Variants in PDGFD observed in about 807,000 individuals in gnomAD.
PDGFD encodes the protein platelet-derived growth factor D.
In PDGFD, 30 loss-of-function variants were observed where a neutral mutation model predicts 44.7. The ratio of observed to expected loss-of-function variants is 0.67; its 90% CI spans 0.50 to 0.91. The LOEUF (loss-of-function observed/expected upper bound fraction) is 0.91, where lower values mean the gene tolerates loss of function less well. Among genes scored for constraint, PDGFD ranks in the 40% least tolerant of loss-of-function variants. PDGFD has a pLI of 0.00. For missense variants in PDGFD, 445 were observed against 457.8 expected (o/e 0.97, Z 0.25); for synonymous variants, 173 against 168.4 (o/e 1.03, Z -0.21).
At chr11:104,155,711 G>C (rs1485370631) in intron 1 of PDGFD, among the ~76,000 whole-genome samples, 1 of 152,168 alleles carries the variant, frequency 6.6e-6, no homozygotes, top group South Asian at 2.1e-4. Flanking sequence ...TTGCATATTG[G>C]TTAGTTCATT....
intron 1 of PDGFD, among the ~76,000 whole-genome samples, chr11:104,114,578 C>A (rs361286): frequency 0.63 from 95,888 of 151,752 alleles, 30,607 homozygotes; most frequent in East Asian, 0.75. Flanking sequence ...TATCTCTTCA[C>A]GGTCATTTAT....
intron 3 of PDGFD, among the ~76,000 whole-genome samples, chr11:103,954,508 A>G (rs1858807972): frequency 1.3e-5 from 2 of 152,220 alleles, no homozygotes; most frequent in African/African-American, 4.8e-5. Flanking sequence ...GCCATAAACT[A>G]TTCATGGCTA....
intron 3 of PDGFD, among the ~76,000 whole-genome samples, chr11:103,975,345 T>C (rs1412071423): frequency 1.3e-5 from 2 of 152,240 alleles, no homozygotes; most frequent in Non-Finnish European, 2.9e-5. Flanking sequence ...TTGTTTGTTT[T>C]TTTCCTTGTA....
chr11:104,088,659 C>T (rs1861168572), intron 1 of PDGFD, among the ~76,000 whole-genome samples: 1 of 152,120 alleles, frequency 6.6e-6, no homozygotes, highest in Non-Finnish European at 1.5e-5. Flanking sequence ...GCAGATGGCT[C>T]CAGCAAGGCA....
chr11:103,940,084 C>T (rs1243717700), intron 5 of PDGFD, among the ~76,000 whole-genome samples: 1 of 152,038 alleles, frequency 6.6e-6, no homozygotes, highest in Non-Finnish European at 1.5e-5. Context: ...CTCACCAAAA[C>T]TTTACTGTTC....
intron 1 of PDGFD, among the ~76,000 whole-genome samples, chr11:104,024,484 T>C (rs983698159): frequency 3.3e-5 from 5 of 152,178 alleles, no homozygotes; most frequent in Non-Finnish European, 7.3e-5. Flanking sequence ...CAATGACAAA[T>C]TGTATGTAAG....
chr11:104,042,679 T>C (rs183900231), intron 1 of PDGFD, among the ~76,000 whole-genome samples: 9 of 152,362 alleles, frequency 5.9e-5, no homozygotes, highest in Middle Eastern at 3.4e-3. Context: ...TATATTTTTC[T>C]ACCGTTAATC....
At chr11:103,953,407 G>C (rs988359626) in intron 3 of PDGFD, among the ~76,000 whole-genome samples, 6 of 152,124 alleles carry the variant, frequency 3.9e-5, no homozygotes, top group African/African-American at 9.7e-5. Flanking sequence ...ACAGATATAT[G>C]AATGAAGCAG....
chr11:103,928,568 T>C (rs1858352800), intron 5 of PDGFD, among the ~76,000 whole-genome samples: 1 of 152,224 alleles, frequency 6.6e-6, no homozygotes, highest in Non-Finnish European at 1.5e-5. Context: ...CATCCCTGTT[T>C]GTCTTTTTAT....
intron 1 of PDGFD, among the ~76,000 whole-genome samples, chr11:104,143,048 G>A (rs1408298717): frequency 6.6e-6 from 1 of 152,214 alleles, no homozygotes; most frequent in East Asian, 1.9e-4. Flanking sequence ...TTTTTAGGGA[G>A]CTATGCAGGT....
intron 1 of PDGFD, among the ~76,000 whole-genome samples, chr11:104,014,454 C>T (rs1859830870): frequency 6.6e-6 from 1 of 152,160 alleles, no homozygotes; most frequent in South Asian, 2.1e-4. Flanking sequence ...TATGACTACA[C>T]CACTGCACTC....
chr11:104,084,802 T>A (rs1283555682), intron 1 of PDGFD, among the ~76,000 whole-genome samples: 1 of 146,214 alleles, frequency 6.8e-6, no homozygotes, highest in Non-Finnish European at 1.5e-5. Context: ...AAATATATAT[T>A]TTATAAGTAT....
intron 1 of PDGFD, among the ~76,000 whole-genome samples, chr11:104,104,010 C>T (rs1315005472): frequency 2.6e-5 from 4 of 151,868 alleles, no homozygotes; most frequent in Admixed American, 1.3e-4. Context: ...TCCAGTGCAA[C>T]AAGATGCAGA....
At chr11:104,086,773 C>A (rs890595742) in intron 1 of PDGFD, among the ~76,000 whole-genome samples, 1 of 152,084 alleles carries the variant, frequency 6.6e-6, no homozygotes, top group South Asian at 2.1e-4. Context: ...AAGTGAAAAC[C>A]GAGGCAAATG....
At chr11:104,149,063 T>C (rs1862207343) in intron 1 of PDGFD, among the ~76,000 whole-genome samples, 1 of 152,142 alleles carries the variant, frequency 6.6e-6, no homozygotes, top group Non-Finnish European at 1.5e-5. Context: ...ACAATGATGG[T>C]TTAAAGTGGC....
intron 3 of PDGFD, among the ~76,000 whole-genome samples, chr11:103,955,387 C>T (rs1858827637): frequency 6.6e-6 from 1 of 151,998 alleles, no homozygotes; most frequent in Admixed American, 6.6e-5. Context: ...TTTGATGCTT[C>T]AGTACCTGAT....
chr11:104,076,244 T>C (rs1375939582), intron 1 of PDGFD, among the ~76,000 whole-genome samples: 3 of 152,202 alleles, frequency 2.0e-5, no homozygotes, highest in African/African-American at 4.8e-5. Context: ...TTAAACCTCT[T>C]TCCTTTATAA....
chr11:104,049,748 A>AG (rs540205396), intron 1 of PDGFD, among the ~76,000 whole-genome samples: 61 of 152,256 alleles, frequency 4.0e-4, no homozygotes, highest in Non-Finnish European at 7.2e-4. Flanking sequence ...CATGAAGAAC[A>AG]GGGGGGTCAC....
At chr11:104,039,454 T>C (rs528543557) in intron 1 of PDGFD, among the ~76,000 whole-genome samples, 4 of 151,756 alleles carry the variant, frequency 2.6e-5, no homozygotes, top group African/African-American at 9.6e-5. Flanking sequence ...CTTTTTGTTT[T>C]GCTTCTTGGT....
Sources: allele counts gnomAD v4.1 joint callset (sites outside exome capture counted in the v4.1 genomes callset), GRCh38; gene constraint gnomAD v4.1.1; transcripts MANE v1.5; gene names NCBI Gene and HGNC (gene_info 2026-07-23, HGNC 2026-07-21).